CNTNAP2: variants seen among roughly 807,000 people sequenced by gnomAD.
The protein encoded by CNTNAP2 is contactin-associated protein-like 2.
In CNTNAP2, 98 loss-of-function variants were observed where a neutral mutation model predicts 155.2. The ratio of observed to expected loss-of-function variants is 0.63; its 90% CI spans 0.54 to 0.75. CNTNAP2 has a LOEUF of 0.75. Ranked by LOEUF, CNTNAP2 falls within the 30% of genes least tolerant of loss-of-function variation. The pLI is 0.00. For missense variants in CNTNAP2, 1,727 were observed against 1,688.1 expected (o/e 1.02, Z -0.40); for synonymous variants, 651 against 631.2 (o/e 1.03, Z -0.47).
chr7:146,975,373 G>A (rs1014464851), intron 3 of CNTNAP2, among the ~76,000 whole-genome samples: 2 of 152,162 alleles, frequency 1.3e-5, no homozygotes, highest in Non-Finnish European at 2.9e-5. Context: ...GCTGAGGCAG[G>A]AGAATCGCTT....
chr7:148,110,831 A>T (rs557949261), intron 15 of CNTNAP2, among the ~76,000 whole-genome samples: 2 of 152,292 alleles, frequency 1.3e-5, no homozygotes, highest in Admixed American at 6.5e-5. Context: ...AGGCACCAAA[A>T]AATGGGGGTA....
chr7:148,244,465 A>G lies in CNTNAP2; in HGVS notation c.3381+14686A>G, dbSNP rs764835975. On this transcript the variant is annotated intron_variant, in intron 20 of 23. Transcript: ENST00000361727. ...GCCCAGTGTGTATATTTATTTATTC[A>G]TTGGAAAATATGTTTTGGATTATAT... Among the ~76,000 whole-genome samples the G allele has an allele frequency of 1.1e-3, 169 of 152,100 alleles. 5 individuals are homozygous for G. Among genetic ancestry groups the G allele is most frequent in the South Asian group, 6.2e-4 (3 of 4,812 alleles).
chr7:147,925,188 A>AAGGAAGGAAGGAAGGAAGG (rs1563137224), intron 14 of CNTNAP2, among the ~76,000 whole-genome samples: 18 of 150,224 alleles, frequency 1.2e-4, no homozygotes, highest in African/African-American at 3.9e-4. Context: ...GGAAGGAAGG[A>AAGGAAGGAAGGAAGGAAGG]AGGAAGGAAG....
rs1014593488 is a variant in CNTNAP2 at position 148,418,129 on chromosome 7, C to T, written c.*2513C>T. 2.0e-5 allele frequency: 3 copies of T among 152,210 alleles called. No homozygotes were observed. Among genetic ancestry groups the T allele is most frequent in the African/African-American group, 7.2e-5 (3 of 41,458 alleles). The allele number at this position is 152,210 out of a possible 1,614,324, so 9.4% of individuals were successfully genotyped here. A position where few individuals can be genotyped will look rare whatever the true frequency, so the allele number is the denominator to read the frequency against. On this transcript the variant is annotated 3_prime_UTR_variant, in exon 24 of 24. Coordinates refer to ENST00000361727, the MANE Select transcript of CNTNAP2 (RefSeq NM_014141.6). ...GCCAAATAAATGCTGGAAATCTTGA[C>T]CTCTCCTTGGGATTATGGGTGTAAC...
intron 13 of CNTNAP2, among the ~76,000 whole-genome samples, chr7:147,783,453 G>T (rs1025406388): frequency 2.6e-5 from 4 of 152,150 alleles, no homozygotes; most frequent in Admixed American, 2.6e-4. Context: ...ATAGAATGTT[G>T]AGATCAAAAT....
chr7:146,893,896 G>A (rs1361891746), intron 3 of CNTNAP2, among the ~76,000 whole-genome samples: 1 of 152,296 alleles, frequency 6.6e-6, no homozygotes, highest in South Asian at 2.1e-4. Context: ...ATGACATCCT[G>A]CCTCTTGTGG....
intron 4 of CNTNAP2, among the ~76,000 whole-genome samples, chr7:147,091,836 G>C (rs1398081571): frequency 6.6e-6 from 1 of 152,090 alleles, no homozygotes; most frequent in Non-Finnish European, 1.5e-5. Context: ...TCGATCTCCT[G>C]ACCTCGTGAT....
At chr7:147,404,234 C>A (rs1796965204) in intron 10 of CNTNAP2, among the ~76,000 whole-genome samples, 1 of 152,172 alleles carries the variant, frequency 6.6e-6, no homozygotes, top group South Asian at 2.1e-4. Context: ...ACTGTGATCC[C>A]ATCAAACTAC....
intron 8 of CNTNAP2, among the ~76,000 whole-genome samples, chr7:147,180,354 C>T (rs576023537): frequency 6.6e-6 from 1 of 152,180 alleles, no homozygotes; most frequent in Admixed American, 6.5e-5. Context: ...GGAAATTACT[C>T]TTCCTATTTA....
chr7:148,069,711 G>T (rs905845388), intron 15 of CNTNAP2, among the ~76,000 whole-genome samples: 1 of 146,888 alleles, frequency 6.8e-6, no homozygotes, highest in East Asian at 2.0e-4. Flanking sequence ...AGTGAGCCAA[G>T]ATTGCGCCAC....
chr7:147,906,194 C>T (rs532112866), intron 14 of CNTNAP2, among the ~76,000 whole-genome samples: 46 of 151,322 alleles, frequency 3.0e-4, no homozygotes, highest in Admixed American at 2.6e-3. Flanking sequence ...AGGTTGAAAA[C>T]ATAGATTTTT....
chr7:146,307,728 T>G (rs1256500513), intron 1 of CNTNAP2, among the ~76,000 whole-genome samples: 2 of 151,952 alleles, frequency 1.3e-5, no homozygotes, highest in African/African-American at 4.8e-5. Context: ...ATGAAATGAG[T>G]AAAGGATTCC....
intron 21 of CNTNAP2, among the ~76,000 whole-genome samples, chr7:148,307,484 T>G (rs1690586327): frequency 6.6e-6 from 1 of 152,210 alleles, no homozygotes; most frequent in Non-Finnish European, 1.5e-5. Context: ...AAGATGGTTC[T>G]GCTGTTTTTC....
chr7:147,993,598 G>A (rs1401880753), intron 15 of CNTNAP2, among the ~76,000 whole-genome samples: 1 of 152,118 alleles, frequency 6.6e-6, no homozygotes, highest in African/African-American at 2.4e-5. Context: ...CTTCACTTAG[G>A]GGTTGAGAAA....
intron 9 of CNTNAP2, among the ~76,000 whole-genome samples, chr7:147,301,862 G>T (rs557950742): frequency 4.6e-5 from 7 of 152,116 alleles, no homozygotes; most frequent in African/African-American, 7.2e-5. Flanking sequence ...TTACTGACTT[G>T]CCACTGAGTT....
At chr7:148,270,923 T>C (rs1796766610) in intron 21 of CNTNAP2, among the ~76,000 whole-genome samples, 4 of 152,208 alleles carry the variant, frequency 2.6e-5, no homozygotes, top group Non-Finnish European at 5.9e-5. Context: ...TACTTGCAGG[T>C]TGTTAACTCC....
chr7:147,801,957 A>T (rs1419722411), intron 13 of CNTNAP2, among the ~76,000 whole-genome samples: 1 of 144,454 alleles, frequency 6.9e-6, no homozygotes, highest in Non-Finnish European at 1.5e-5. Context: ...CGGGGGGCTG[A>T]CACCCCCACC....
At chr7:146,334,248 G>A (rs1315652341) in intron 1 of CNTNAP2, among the ~76,000 whole-genome samples, 1 of 152,072 alleles carries the variant, frequency 6.6e-6, no homozygotes, top group East Asian at 1.9e-4. Context: ...TGGCTAACAC[G>A]GTGAAACCCC....
intron 23 of CNTNAP2, among the ~76,000 whole-genome samples, chr7:148,413,638 A>C (rs1799907509): frequency 6.6e-6 from 1 of 151,666 alleles, no homozygotes; most frequent in Non-Finnish European, 1.5e-5. Context: ...TTTTCTGTTC[A>C]ATTGTTCTAT....
Sources: gnomAD v4.1 joint callset for allele counts (sites outside exome capture counted in the v4.1 genomes callset) on GRCh38, gnomAD v4.1.1 for gene constraint, MANE v1.5 for transcripts, NCBI Gene and HGNC (gene_info 2026-07-23, HGNC 2026-07-21) for gene names.